PDE10A: variants seen among roughly 807,000 people sequenced by gnomAD.
The protein encoded by PDE10A is phosphodiesterase 10A, also known as cAMP and cAMP-inhibited cGMP 3',5'-cyclic phosphodiesterase 10A.
Under a neutral mutation model 97.7 loss-of-function variants are expected in PDE10A, and 39 were observed. That is an observed-to-expected ratio of 0.40 (90% confidence interval 0.31 to 0.52). PDE10A has a LOEUF of 0.52. Ranked by LOEUF, PDE10A falls within the 20% of genes least tolerant of loss-of-function variation. The pLI is 0.56. For missense variants in PDE10A, 731 were observed against 1,047.8 expected (o/e 0.70, Z 4.17); for synonymous variants, 371 against 376.8 (o/e 0.98, Z 0.18).
At chr6:165,623,245 C>T (rs1344015541) in intron 1 of PDE10A, among the ~76,000 whole-genome samples, 1 of 152,032 alleles carries the variant, frequency 6.6e-6, no homozygotes, top group Non-Finnish European at 1.5e-5. Context: ...CCTGCCTCAG[C>T]CTCCCGAGTA....
At chr6:165,496,650 C>A (rs1036101179) in intron 2 of PDE10A, among the ~76,000 whole-genome samples, 2 of 152,266 alleles carry the variant, frequency 1.3e-5, no homozygotes, top group African/African-American at 2.4e-5. Flanking sequence ...AATTTCTTGA[C>A]AATAAGAGAC....
chr6:165,772,024 G>C (rs573959832), intron 1 of PDE10A, among the ~76,000 whole-genome samples: 1 of 152,142 alleles, frequency 6.6e-6, no homozygotes, highest in African/African-American at 2.4e-5. Context: ...TCTTTTCACC[G>C]CCCTGTCTTT....
intron 1 of PDE10A, among the ~76,000 whole-genome samples, chr6:165,688,288 A>G (rs1791178344): frequency 6.6e-6 from 1 of 152,192 alleles, no homozygotes; most frequent in African/African-American, 2.4e-5. Flanking sequence ...TCAAGAGATG[A>G]TTGGTTTACA....
At chr6:165,745,685 C>G (rs78030377) in intron 1 of PDE10A, among the ~76,000 whole-genome samples, 2,483 of 152,232 alleles carry the variant, frequency 0.016, 29 homozygotes, top group Middle Eastern at 0.027. Flanking sequence ...TTCTCTGTTC[C>G]TTTTTTAAAG....
At chr6:165,341,591 G>T (rs1781974253) in intron 19 of PDE10A, among the ~76,000 whole-genome samples, 1 of 151,808 alleles carries the variant, frequency 6.6e-6, no homozygotes, top group African/African-American at 2.4e-5. Context: ...TTCTTTTTTT[G>T]CAACGATCCT....
intron 1 of PDE10A, among the ~76,000 whole-genome samples, chr6:165,859,113 G>C (rs777525234): frequency 2.0e-5 from 3 of 152,138 alleles, no homozygotes; most frequent in Non-Finnish European, 4.4e-5. Flanking sequence ...TTCATTCACT[G>C]ATCAAAACAA....
chr6:165,822,990 C>T (rs1404335609), intron 1 of PDE10A, among the ~76,000 whole-genome samples: 9 of 152,086 alleles, frequency 5.9e-5, no homozygotes, highest in Admixed American at 1.3e-4. Context: ...CCTGCCACCA[C>T]GCCCGGCTAA....
At chr6:165,543,815 A>G (rs372911182) in intron 1 of PDE10A, among the ~76,000 whole-genome samples, 1 of 150,710 alleles carries the variant, frequency 6.6e-6, no homozygotes, top group Non-Finnish European at 1.5e-5. Flanking sequence ...ATGCCACTAA[A>G]TTGTACGCTT....
Position 165,552,971 on chromosome 6 carries a change from G to C in PDE10A, c.866-9403C>G, listed in dbSNP as rs187450543. On this transcript the variant is annotated intron_variant, in intron 1 of 21. Transcript: ENST00000539869. ...CCCACCAGGAATCCCAAATCCTACA[G>C]CAAGTACCTGAGCAAAGGACCCCTC... is the stretch of plus-strand genomic sequence containing the variant. 1.5e-4 allele frequency among the ~76,000 whole-genome samples: 23 copies of C among 152,242 alleles called. No homozygotes were observed. The East Asian group carries it at 2.5e-3, about 17-fold the overall frequency.
At chr6:165,689,523 T>C (rs1433246026) in intron 1 of PDE10A, among the ~76,000 whole-genome samples, 4 of 152,206 alleles carry the variant, frequency 2.6e-5, no homozygotes, top group African/African-American at 9.6e-5. Flanking sequence ...AGCTTGGTGC[T>C]GTCCCTGTGG....
At chr6:165,421,258 A>G (rs764948339) in intron 10 of PDE10A, among the ~76,000 whole-genome samples, 4 of 152,136 alleles carry the variant, frequency 2.6e-5, no homozygotes, top group Non-Finnish European at 4.4e-5. Context: ...CCTAGGCAAC[A>G]TGGCGAGACC....
At chr6:165,666,025 G>A (rs996034438), upstream of PDE10A, among the ~76,000 whole-genome samples, 12 of 152,128 alleles carry the variant, frequency 7.9e-5, no homozygotes, top group Non-Finnish European at 1.5e-4. Context: ...AAAAACATGC[G>A]TCTAGGTACA....
intron 1 of PDE10A, among the ~76,000 whole-genome samples, chr6:165,642,164 C>T (rs913135481): frequency 1.3e-5 from 2 of 152,198 alleles, no homozygotes; most frequent in African/African-American, 4.8e-5. Context: ...GCTGCCCCTC[C>T]GCCAGAAACA....
chr6:165,351,781 C>T (rs1019286928), intron 18 of PDE10A, among the ~76,000 whole-genome samples: 8 of 152,134 alleles, frequency 5.3e-5, no homozygotes, highest in Non-Finnish European at 7.4e-5. Context: ...TGAGATTGAT[C>T]GAGGCAAACT....
At chr6:165,769,456 G>C (rs898089266) in intron 1 of PDE10A, among the ~76,000 whole-genome samples, 1 of 152,100 alleles carries the variant, frequency 6.6e-6, no homozygotes. Flanking sequence ...TATAGCTCTT[G>C]GGGCAATTTG....
chr6:165,492,545 T>G (rs907221568), intron 2 of PDE10A, among the ~76,000 whole-genome samples: 3 of 152,058 alleles, frequency 2.0e-5, no homozygotes, highest in Non-Finnish European at 2.9e-5. Flanking sequence ...CATTCACAAG[T>G]CAATAAATGT....
intron 1 of PDE10A, among the ~76,000 whole-genome samples, chr6:165,723,833 G>T (rs940127634): frequency 3.4e-5 from 5 of 145,132 alleles, no homozygotes; most frequent in Non-Finnish European, 4.5e-5. Context: ...GAACAAACGA[G>T]AAATAAGATA....
rs1225587671 is a variant in PDE10A at position 165,663,060 on chromosome 6, C to T, written c.-249G>A. ...CGGCGCCTGGCTACCCTCAGGCGCGCACAATCGGCGTCCTCCCGGGCCGGG... is the reference window on the plus strand; with the variant it reads ...CGGCGCCTGGCTACCCTCAGGCGCGTACAATCGGCGTCCTCCCGGGCCGGG... On this transcript the variant is annotated 5_prime_UTR_variant, in exon 1 of 22. Transcript: ENST00000539869. 4.0e-5 allele frequency among the ~76,000 whole-genome samples: 6 copies of T among 151,378 alleles called. No individual in the cohort carries two copies. In the East Asian group the frequency reaches 1.2e-3, roughly 30 times the overall value.
intron 1 of PDE10A, among the ~76,000 whole-genome samples, chr6:165,794,998 C>T (rs1181047518): frequency 1.3e-5 from 2 of 152,190 alleles, no homozygotes; most frequent in East Asian, 3.9e-4. Flanking sequence ...TAAAAGAAAA[C>T]CTTATGTGAC....
Sources: gnomAD v4.1 joint callset for allele counts (sites outside exome capture counted in the v4.1 genomes callset) on GRCh38, gnomAD v4.1.1 for gene constraint, MANE v1.5 for transcripts, NCBI Gene and HGNC (gene_info 2026-07-23, HGNC 2026-07-21) for gene names.